The following XPR1 variants were observed in gnomAD, a reference collection of about 807,000 sequenced individuals.
XPR1 encodes xenotropic and polytropic retrovirus receptor 1, also known as solute carrier family 53 member 1.
In XPR1, 28 loss-of-function variants were observed where a neutral mutation model predicts 87.5. The observed-to-expected ratio is 0.32, with a 90% CI of 0.24 to 0.44. The LOEUF is 0.44. Ranked by LOEUF, XPR1 falls within the 20% of genes least tolerant of loss-of-function variation. XPR1 has a pLI of 1.00. For synonymous variants in XPR1, 300 were observed against 306.1 expected (o/e 0.98, Z 0.21); for missense variants, 559 against 862.3 (o/e 0.65, Z 4.41).
At chr1:180,748,743 G>A (rs1322448604) in intron 2 of XPR1, among the ~76,000 whole-genome samples, 1 of 152,020 alleles carries the variant, frequency 6.6e-6, no homozygotes, top group Admixed American at 6.6e-5. Context: ...TCTGTATGGT[G>A]AAATACTGTA....
intron 11 of XPR1, among the ~76,000 whole-genome samples, chr1:180,850,253 A>G (rs1330653109): frequency 6.6e-6 from 1 of 152,124 alleles, no homozygotes; most frequent in Non-Finnish European, 1.5e-5. Flanking sequence ...TTTCAGATGG[A>G]TTTTTTAGAT....
chr1:180,654,587 TC>T (rs1279968087), intron 1 of XPR1, among the ~76,000 whole-genome samples: 1 of 152,156 alleles, frequency 6.6e-6, no homozygotes, highest in Admixed American at 6.5e-5. Context: ...TCCCTCTAGT[TC>T]CTGGCAACCA....
chr1:180,671,122 T>C lies in XPR1; in HGVS notation c.70-11238T>C, dbSNP rs575340188. ...AAAATCAAAGTGGTTTTTTCCATTT[T>C]GAAAGATAAGCCTAGAAAGGTAGAT... On this transcript the variant is annotated intron_variant, in intron 1 of 14. Transcript: ENST00000367590. Among the ~76,000 whole-genome samples the C allele has an allele frequency of 7.2e-5, 11 of 152,342 alleles. No individual in the cohort carries two copies. In the East Asian group the frequency reaches 2.1e-3, roughly 29 times the overall value.
intron 6 of XPR1, among the ~76,000 whole-genome samples, chr1:180,809,157 A>G (rs1205311736): frequency 6.6e-6 from 1 of 152,194 alleles, no homozygotes; most frequent in African/African-American, 2.4e-5. Context: ...GCAGAAAAAA[A>G]AGGTACCTAC....
At chr1:180,832,546 C>T (rs1011451591) in intron 9 of XPR1, among the ~76,000 whole-genome samples, 1 of 152,062 alleles carries the variant, frequency 6.6e-6, no homozygotes, top group African/African-American at 2.4e-5. Flanking sequence ...ATCTTTAATC[C>T]ATCTTGAGTT....
intron 2 of XPR1, among the ~76,000 whole-genome samples, chr1:180,739,809 C>T (rs1164322558): frequency 6.6e-6 from 1 of 152,002 alleles, no homozygotes; most frequent in Non-Finnish European, 1.5e-5. Context: ...AGCATGATCT[C>T]GGCTCACTGC....
chr1:180,874,412 AGGTGC>A (rs1231478992), intron 13 of XPR1, among the ~76,000 whole-genome samples: 4 of 151,546 alleles, frequency 2.6e-5, no homozygotes, highest in Non-Finnish European at 5.9e-5. Context: ...AAATCTGGCC[AGGTGC>A]ACTGGCTCAC....
chr1:180,806,010 C>A, intron 4 of XPR1, 52 bp from the exon 5 acceptor site: 1 of 1,577,286 alleles, frequency 6.3e-7, no homozygotes, highest in South Asian at 1.2e-5. Flanking sequence ...TCTTTTTCAT[C>A]ATTTTTGATG....
At chr1:180,851,130 G>A (rs1312243867) in intron 11 of XPR1, among the ~76,000 whole-genome samples, 3 of 152,146 alleles carry the variant, frequency 2.0e-5, no homozygotes, top group African/African-American at 7.2e-5. Context: ...AGAACAAAAG[G>A]AGTGGGGAAA....
intron 14 of XPR1, among the ~76,000 whole-genome samples, chr1:180,880,617 T>G (rs1308268674): frequency 6.6e-6 from 1 of 152,232 alleles, no homozygotes; most frequent in Non-Finnish European, 1.5e-5. Context: ...ATAATTTTTA[T>G]GTTATAAACT....
chr1:180,714,596 G>A (rs1325089077), intron 2 of XPR1, among the ~76,000 whole-genome samples: 2 of 151,920 alleles, frequency 1.3e-5, no homozygotes, highest in African/African-American at 4.8e-5. Flanking sequence ...GTAGAGACAG[G>A]GTCTCACTAT....
intron 9 of XPR1, among the ~76,000 whole-genome samples, chr1:180,830,247 T>G (rs1026660243): frequency 1.3e-5 from 2 of 152,180 alleles, no homozygotes; most frequent in Non-Finnish European, 2.9e-5. Flanking sequence ...GTTTGCTTTA[T>G]CGGGCGCTTA....
At chr1:180,808,367 GA>G (rs1407856979) in intron 6 of XPR1, among the ~76,000 whole-genome samples, 1 of 151,284 alleles carries the variant, frequency 6.6e-6, no homozygotes, top group East Asian at 1.9e-4. Flanking sequence ...ATGAAAACTG[GA>G]AACTACAAAT....
chr1:180,883,104 A>G (rs1193438205), intron 14 of XPR1, among the ~76,000 whole-genome samples: 1 of 140,884 alleles, frequency 7.1e-6, no homozygotes, highest in East Asian at 2.0e-4. Flanking sequence ...CTGGGGCTAC[A>G]GGTTTGCACT....
chr1:180,836,356 C>CAAA (rs67209110), intron 10 of XPR1, among the ~76,000 whole-genome samples, 166 bp from the exon 11 acceptor site: 10 of 140,958 alleles, frequency 7.1e-5, no homozygotes, highest in African/African-American at 2.6e-4. Context: ...GACTCAGTCT[C>CAAA]AAAAAAAAAA....
intron 2 of XPR1, among the ~76,000 whole-genome samples, chr1:180,741,452 C>T (rs964337937): frequency 3.9e-5 from 6 of 151,912 alleles, no homozygotes; most frequent in Non-Finnish European, 5.9e-5. Context: ...AGGCATGAGC[C>T]ACCACACCCA....
At chr1:180,674,031 A>G (rs1423586071) in intron 1 of XPR1, among the ~76,000 whole-genome samples, 5 of 152,174 alleles carry the variant, frequency 3.3e-5, no homozygotes, top group African/African-American at 4.8e-5. Context: ...TTCATATTCT[A>G]TTAGCTAACA....
At chr1:180,878,591 T>C (rs1652737042) in intron 13 of XPR1, among the ~76,000 whole-genome samples, 1 of 152,212 alleles carries the variant, frequency 6.6e-6, no homozygotes, top group South Asian at 2.1e-4. Context: ...CTGATGACAC[T>C]GAAGCATAGG....
chr1:180,647,957 C>T (rs1655175403), intron 1 of XPR1, among the ~76,000 whole-genome samples: 2 of 148,042 alleles, frequency 1.4e-5, no homozygotes, highest in African/African-American at 2.5e-5. Flanking sequence ...GATCTTTCTG[C>T]AGTGTAGGTG....
Sources: allele counts gnomAD v4.1 joint callset (sites outside exome capture counted in the v4.1 genomes callset), GRCh38; gene constraint gnomAD v4.1.1; transcripts MANE v1.5; gene names NCBI Gene and HGNC (gene_info 2026-07-23, HGNC 2026-07-21).